CSMD1: variants seen among roughly 807,000 people sequenced by gnomAD.
CSMD1 encodes the protein CUB and Sushi multiple domains 1, also known as CUB and sushi domain-containing protein 1.
A neutral mutation model predicts 417.5 loss-of-function variants in CSMD1; 213 were observed. The observed-to-expected ratio is 0.51, with a 90% CI of 0.46 to 0.57. The LOEUF (loss-of-function observed/expected upper bound fraction) is 0.57, where lower values mean the gene tolerates loss of function less well. CSMD1 is among the 20% of genes least tolerant of loss of function. CSMD1 has a pLI of 0.00. For synonymous variants in CSMD1, 2,862 were observed against 1,736.8 expected (o/e 1.65, Z -16.11); for missense variants, 6,923 against 4,529.7 (o/e 1.53, Z -15.17).
intron 3 of CSMD1, among the ~76,000 whole-genome samples, chr8:4,093,782 G>C (rs1800843666): frequency 6.6e-6 from 1 of 152,134 alleles, no homozygotes; most frequent in South Asian, 2.1e-4. Context: ...CCAACATGGT[G>C]AAATCCCATA....
At chr8:3,081,427 T>C (rs1048201579) in intron 49 of CSMD1, among the ~76,000 whole-genome samples, 16 of 152,214 alleles carry the variant, frequency 1.1e-4, no homozygotes, top group African/African-American at 2.9e-4. Context: ...AAGTTCCCAA[T>C]GCCACAAAGA....
At chr8:4,303,057 G>C (rs1161246847) in intron 3 of CSMD1, among the ~76,000 whole-genome samples, 1 of 152,092 alleles carries the variant, frequency 6.6e-6, no homozygotes, top group African/African-American at 2.4e-5. Flanking sequence ...ATACAAGGAA[G>C]TAGGTATAAA....
intron 3 of CSMD1, among the ~76,000 whole-genome samples, chr8:4,215,520 C>G (rs1487203183): frequency 7.2e-6 from 1 of 138,652 alleles, no homozygotes; most frequent in Admixed American, 7.3e-5. Flanking sequence ...TTTTTTTTTT[C>G]TTCCAGAGAC....
intron 5 of CSMD1, among the ~76,000 whole-genome samples, chr8:3,850,818 A>G (rs572819901): frequency 1.2e-4 from 18 of 152,228 alleles, no homozygotes; most frequent in Non-Finnish European, 2.2e-4. Flanking sequence ...ACAAAGCTCA[A>G]AAGTTACTGA....
At chr8:4,744,900 T>C (rs1810856453) in intron 1 of CSMD1, among the ~76,000 whole-genome samples, 1 of 152,208 alleles carries the variant, frequency 6.6e-6, no homozygotes, top group Non-Finnish European at 1.5e-5. Context: ...ATAATTCTAA[T>C]GGCTCAGTAT....
At chr8:3,116,257 C>A (rs1327793613) in intron 42 of CSMD1, among the ~76,000 whole-genome samples, 1 of 152,134 alleles carries the variant, frequency 6.6e-6, no homozygotes, top group Non-Finnish European at 1.5e-5. Flanking sequence ...TAAACTTTTA[C>A]ATGAATCGTG....
At chr8:4,110,402 A>G (rs1801789603) in intron 3 of CSMD1, among the ~76,000 whole-genome samples, 1 of 152,156 alleles carries the variant, frequency 6.6e-6, no homozygotes, top group African/African-American at 2.4e-5. Flanking sequence ...AGAAAGAGTC[A>G]AAAATATAGT....
chr8:3,725,854 T>C (rs904746797), intron 6 of CSMD1, among the ~76,000 whole-genome samples: 11 of 152,276 alleles, frequency 7.2e-5, no homozygotes, highest in African/African-American at 2.6e-4. Flanking sequence ...TTGCAGTGGA[T>C]AAAAATACAT....
intron 4 of CSMD1, among the ~76,000 whole-genome samples, chr8:4,017,339 C>A (rs750060659): frequency 1.3e-5 from 2 of 152,070 alleles, no homozygotes; most frequent in Non-Finnish European, 2.9e-5. Flanking sequence ...AAGTTTCGCT[C>A]TTGTTGCCCA....
intron 5 of CSMD1, among the ~76,000 whole-genome samples, chr8:3,861,467 G>T (rs572089141): frequency 6.6e-6 from 1 of 152,166 alleles, no homozygotes. Flanking sequence ...TAGCATTTGA[G>T]AGGCCATAGA....
At chr8:4,666,860 C>T (rs911648388) in intron 1 of CSMD1, among the ~76,000 whole-genome samples, 1 of 151,864 alleles carries the variant, frequency 6.6e-6, no homozygotes, top group African/African-American at 2.4e-5. Flanking sequence ...TTGATGAAGT[C>T]TGATTTATCA....
intron 12 of CSMD1, among the ~76,000 whole-genome samples, chr8:3,421,329 T>C (rs1002214436): frequency 3.3e-5 from 5 of 152,180 alleles, no homozygotes; most frequent in African/African-American, 9.7e-5. Context: ...AGGACTGCTC[T>C]GAGCCCACAT....
At chr8:2,944,805 T>G (rs1802107444) in intron 68 of CSMD1, among the ~76,000 whole-genome samples, 1 of 152,100 alleles carries the variant, frequency 6.6e-6, no homozygotes, top group Non-Finnish European at 1.5e-5. Context: ...TTATCTGTCT[T>G]ATTCTTATAA....
In CSMD1 at chr8:3,862,475, C is replaced by T. The variant is rs79177157; in HGVS notation, c.819-108433G>A. Among the ~76,000 whole-genome samples the T allele has an allele frequency of 6.0e-3, 918 of 152,254 alleles. 10 individuals carry two copies. The highest frequency in any genetic ancestry group is 0.021 in the African/African-American group (876 of 41,552). On this transcript the variant is annotated intron_variant, in intron 5 of 69. Coordinates refer to ENST00000635120, the MANE Select transcript of CSMD1 (RefSeq NM_033225.6). ...TCTCGTAATTCAAATGTGAGCCTTT[C>T]GCCAGAACTCAAAGTTCGCCTTTCC...
At chr8:4,445,159 C>G (rs920595175) in intron 2 of CSMD1, among the ~76,000 whole-genome samples, 4 of 152,160 alleles carry the variant, frequency 2.6e-5, no homozygotes, top group Non-Finnish European at 4.4e-5. Flanking sequence ...GGTGATGGCA[C>G]TAGAAGAATC....
intron 5 of CSMD1, among the ~76,000 whole-genome samples, chr8:3,902,397 C>G (rs1807815954): frequency 6.6e-6 from 1 of 152,098 alleles, no homozygotes; most frequent in Non-Finnish European, 1.5e-5. Context: ...GTTGGATCTT[C>G]CTAAGGCAGC....
At chr8:4,204,780 G>C (rs1484585042) in intron 3 of CSMD1, among the ~76,000 whole-genome samples, 1 of 152,022 alleles carries the variant, frequency 6.6e-6, no homozygotes, top group Non-Finnish European at 1.5e-5. Flanking sequence ...TCAGCCTCCT[G>C]AGTAGCTGAG....
At chr8:3,273,895 T>A (rs1004714926) in intron 26 of CSMD1, among the ~76,000 whole-genome samples, 4 of 152,176 alleles carry the variant, frequency 2.6e-5, no homozygotes, top group Non-Finnish European at 5.9e-5. Context: ...GATTCGTTAA[T>A]TTTTTGAAGG....
At chr8:4,802,726 A>G (rs975834960) in intron 1 of CSMD1, among the ~76,000 whole-genome samples, 2 of 152,158 alleles carry the variant, frequency 1.3e-5, no homozygotes, top group Non-Finnish European at 2.9e-5. Context: ...TCTTCCAAAG[A>G]GAATGTTTAA....
Sources: gnomAD v4.1 joint callset for allele counts (sites outside exome capture counted in the v4.1 genomes callset) on GRCh38, gnomAD v4.1.1 for gene constraint, MANE v1.5 for transcripts, NCBI Gene and HGNC (gene_info 2026-07-23, HGNC 2026-07-21) for gene names.